NMNAT2: variants seen among roughly 807,000 people sequenced by gnomAD.
NMNAT2 encodes the protein nicotinamide nucleotide adenylyltransferase 2.
In NMNAT2, 11 loss-of-function variants were observed where a neutral mutation model predicts 41.6. The ratio of observed to expected loss-of-function variants is 0.26; its 90% CI spans 0.17 to 0.44. The LOEUF (loss-of-function observed/expected upper bound fraction) is 0.44, where lower values mean the gene tolerates loss of function less well. Among genes scored for constraint, NMNAT2 ranks in the 20% least tolerant of loss-of-function variants. The pLI, the probability that NMNAT2 is intolerant of heterozygous loss-of-function variation, is 1.00. For missense variants in NMNAT2, 288 were observed against 407.7 expected (o/e 0.71, Z 2.53); for synonymous variants, 148 against 151.2 (o/e 0.98, Z 0.16).
At chr1:183,397,235 G>A (rs1040842189) in intron 1 of NMNAT2, among the ~76,000 whole-genome samples, 2 of 152,130 alleles carry the variant, frequency 1.3e-5, no homozygotes, top group African/African-American at 2.4e-5. Context: ...ACCAGCCAGG[G>A]TCGAGGTTCT....
chr1:183,315,014 A>T (rs1662212618), intron 1 of NMNAT2, among the ~76,000 whole-genome samples: 1 of 152,228 alleles, frequency 6.6e-6, no homozygotes, highest in African/African-American at 2.4e-5. Flanking sequence ...TGTATATGCT[A>T]GTTTTGCGAA....
At chr1:183,324,913 CT>C (rs912245397) in intron 1 of NMNAT2, among the ~76,000 whole-genome samples, 7 of 152,172 alleles carry the variant, frequency 4.6e-5, no homozygotes, top group Non-Finnish European at 1.0e-4. Context: ...GTAGTAGGTG[CT>C]TGATCAATGT....
intron 1 of NMNAT2, among the ~76,000 whole-genome samples, chr1:183,348,476 A>C (rs1057262897): frequency 1.3e-5 from 2 of 152,168 alleles, no homozygotes; most frequent in African/African-American, 4.8e-5. Flanking sequence ...GATTCACCAA[A>C]ATATTTATGT....
At chr1:183,362,454 G>C (rs560456502) in intron 1 of NMNAT2, among the ~76,000 whole-genome samples, 1 of 152,276 alleles carries the variant, frequency 6.6e-6, no homozygotes, top group Admixed American at 6.5e-5. Context: ...GTCCCTGACG[G>C]CCACTACTCT....
intron 1 of NMNAT2, among the ~76,000 whole-genome samples, chr1:183,309,291 T>C (rs1266709922): frequency 6.6e-6 from 1 of 152,248 alleles, no homozygotes. Flanking sequence ...TGAGCCACTG[T>C]GCCCGGCCTT....
At chr1:183,289,494 C>A (rs1428757030) in intron 4 of NMNAT2, among the ~76,000 whole-genome samples, 1 of 152,244 alleles carries the variant, frequency 6.6e-6, no homozygotes, top group Non-Finnish European at 1.5e-5. Flanking sequence ...GAAGCTCTCG[C>A]CTATCTGTGT....
chr1:183,407,490 T>C (rs1409288380), intron 1 of NMNAT2, among the ~76,000 whole-genome samples: 1 of 152,254 alleles, frequency 6.6e-6, no homozygotes, highest in Non-Finnish European at 1.5e-5. Context: ...GTTGAGATTC[T>C]GAATATTCCT....
chr1:183,261,039 T>C lies in NMNAT2; in HGVS notation c.784A>G (p.Asn262Asp). ...NNIMVVKDDINHPMSVVSSTK... is the reference protein window; with the variant it reads ...NNIMVVKDDIDHPMSVVSSTK... ...GAGCTGACAACAGACATGGGATGGT[T>C]GATGTCATCCTTCACCACCATGATG... Residue 262 changes from asparagine to aspartate, a missense_variant, in exon 10 of 11, where the codon AAC becomes GAC. Physicochemically the swap from Asn to Asp is conservative, Grantham distance 23 (BLOSUM62 1). Transcript: ENST00000287713. 6.2e-7 allele frequency: 1 copy of C among 1,614,010 alleles called. No homozygotes were observed. The highest frequency in any genetic ancestry group is 1.1e-5 in the South Asian group (1 of 91,068).
chr1:183,353,813 C>T (rs928484102), intron 1 of NMNAT2, among the ~76,000 whole-genome samples: 5 of 152,150 alleles, frequency 3.3e-5, no homozygotes, highest in African/African-American at 1.2e-4. Context: ...CAGCTGGGAA[C>T]ATCCTGTTCC....
intron 8 of NMNAT2, among the ~76,000 whole-genome samples, chr1:183,271,172 C>A (rs1178753336): frequency 6.6e-6 from 1 of 152,184 alleles, no homozygotes; most frequent in Non-Finnish European, 1.5e-5. Flanking sequence ...AATATTGACT[C>A]TTGCTCATTT....
At chr1:183,300,685 GA>G (rs1460336466) in intron 1 of NMNAT2, among the ~76,000 whole-genome samples, 2 of 152,140 alleles carry the variant, frequency 1.3e-5, no homozygotes, top group African/African-American at 2.4e-5. Context: ...AGTTATCTCA[GA>G]AAAAAAGTTT....
chr1:183,328,062 C>T (rs1262547028), intron 1 of NMNAT2, among the ~76,000 whole-genome samples: 2 of 152,184 alleles, frequency 1.3e-5, no homozygotes, highest in African/African-American at 4.8e-5. Context: ...CCCTCCAGGA[C>T]TTGGGCCAGA....
chr1:183,288,214 C>T (rs1661443620), intron 4 of NMNAT2, among the ~76,000 whole-genome samples: 1 of 152,232 alleles, frequency 6.6e-6, no homozygotes, highest in African/African-American at 2.4e-5. Flanking sequence ...TGGCTGGCTG[C>T]ATTCCCCGAT....
intron 1 of NMNAT2, among the ~76,000 whole-genome samples, chr1:183,367,381 C>T (rs993030897): frequency 2.0e-5 from 3 of 152,128 alleles, no homozygotes; most frequent in Non-Finnish European, 4.4e-5. Flanking sequence ...TCGCTTGAAC[C>T]CAGGAGGTGA....
chr1:183,304,966 G>T, intron 1 of NMNAT2: 1 of 1,059,924 alleles, frequency 9.4e-7, no homozygotes, highest in Non-Finnish European at 1.3e-6. Flanking sequence ...CCTCTCATAT[G>T]CTCCCGCTTG....
chr1:183,371,317 G>T (rs1431167003), intron 1 of NMNAT2, among the ~76,000 whole-genome samples: 1 of 152,200 alleles, frequency 6.6e-6, no homozygotes, highest in Non-Finnish European at 1.5e-5. Flanking sequence ...AAGTTGAGGG[G>T]AGGGAAGGAT....
chr1:183,294,726 A>C (rs1661636563), intron 1 of NMNAT2, among the ~76,000 whole-genome samples: 4 of 152,078 alleles, frequency 2.6e-5, no homozygotes, highest in Non-Finnish European at 2.9e-5. Context: ...GGCAGCAGAG[A>C]TTGCAGTGAG....
At chr1:183,335,185 A>G (rs182480298) in intron 1 of NMNAT2, among the ~76,000 whole-genome samples, 2 of 152,328 alleles carry the variant, frequency 1.3e-5, no homozygotes, top group Admixed American at 6.5e-5. Flanking sequence ...CCAAAATAAC[A>G]ATTCCCCAAA....
intron 1 of NMNAT2, among the ~76,000 whole-genome samples, chr1:183,384,029 A>G (rs140769702): frequency 0.012 from 1,843 of 152,240 alleles, 40 homozygotes; most frequent in African/African-American, 0.042. Flanking sequence ...GCTACCTGAG[A>G]CTGGGTAGTT....
Sources: allele counts gnomAD v4.1 joint callset (sites outside exome capture counted in the v4.1 genomes callset), GRCh38; gene constraint gnomAD v4.1.1; transcripts MANE v1.5; gene names NCBI Gene and HGNC (gene_info 2026-07-23, HGNC 2026-07-21).